Variants in RYK observed in about 807,000 individuals in gnomAD.
RYK encodes receptor like tyrosine kinase, also known as inactive tyrosine-protein kinase RYK.
A neutral mutation model predicts 70.2 loss-of-function variants in RYK; 21 were observed. That is an observed-to-expected ratio of 0.30 (90% CI 0.21 to 0.43). RYK has a LOEUF of 0.43. Among genes scored for constraint, RYK ranks in the 20% least tolerant of loss-of-function variants. The probability of loss-of-function intolerance (pLI) is 1.00; values close to 1 mark genes in which losing one functional copy is unlikely to be tolerated. For missense variants in RYK, 604 were observed against 753.3 expected (o/e 0.80, Z 2.32); for synonymous variants, 267 against 278.0 (o/e 0.96, Z 0.39).
At chr3:134,206,787 G>C (rs1389798455) in intron 5 of RYK, among the ~76,000 whole-genome samples, 1 of 152,134 alleles carries the variant, frequency 6.6e-6, no homozygotes, top group African/African-American at 2.4e-5. Context: ...CAATGGCAAA[G>C]TGTTGATCAT....
In RYK at chr3:134,222,551, T is replaced by A. The variant is rs764575082; in HGVS notation, c.233-12A>T. The A allele has an allele frequency of 1.9e-6, 3 of 1,567,612 alleles. No individual in the cohort carries two copies. The highest frequency in any genetic ancestry group is 1.8e-5 in the Admixed American group (1 of 54,820). Reference sequence around the variant, plus strand: ...TTCTGCATCAAGACCTAGAAAAAAATAGGAAAAAAATAATTAAACACTTAA... The same window carrying A: ...TTCTGCATCAAGACCTAGAAAAAAAAAGGAAAAAAATAATTAAACACTTAA... On this transcript the variant is annotated splice_polypyrimidine_tract_variant and intron_variant, in intron 1 of 14. Coordinates refer to ENST00000623711, the MANE Select transcript of RYK (RefSeq NM_002958.4).
intron 6 of RYK, 117 bp from the exon 7 acceptor site, chr3:134,195,299 T>G: frequency 1.5e-6 from 1 of 677,386 alleles, no homozygotes; most frequent in Non-Finnish European, 2.6e-6. Context: ...CTTACGGAGA[T>G]CACAATAATT....
At chr3:134,185,261 C>A (rs2013424977) in intron 9 of RYK, among the ~76,000 whole-genome samples, 1 of 152,154 alleles carries the variant, frequency 6.6e-6, no homozygotes, top group South Asian at 2.1e-4. Context: ...AAATGCTGAA[C>A]CAACAATAAA....
chr3:134,191,843 A>C lies in RYK; in HGVS notation c.1015+6T>G, dbSNP rs55965934. On this transcript the variant is annotated splice_donor_region_variant and intron_variant, in intron 8 of 14. Transcript: ENST00000623711. ...CTTAAAAAACCGACTTTGAGATAAT[A>C]AATACCTTCTTGGAGTACATCTTTT... The C allele has an allele frequency of 0.013, 20,431 of 1,598,274 alleles. 163 individuals are homozygous for C. The highest frequency in any genetic ancestry group is 0.021 in the Middle Eastern group (129 of 6,024).
intron 2 of RYK, among the ~76,000 whole-genome samples, chr3:134,219,035 T>C (rs1356161240): frequency 6.6e-6 from 1 of 152,162 alleles, no homozygotes; most frequent in Admixed American, 6.5e-5. Context: ...ATACCAGCAG[T>C]GGCAGCCCAA....
rs771828732 is a variant in RYK at position 134,211,497 on chromosome 3, C to T, written c.454+11G>A. On this transcript the variant is annotated intron_variant, in intron 3 of 14. Transcript: ENST00000623711. ...AGTATGTTAACTCTGTCTTTGAAGA[C>T]TCTTACTTACCTGATAAAGTGCGTG... The T allele has an allele frequency of 6.3e-7, 1 of 1,592,132 alleles. No individual in the cohort carries two copies. The highest frequency in any genetic ancestry group is 1.1e-5 in the South Asian group (1 of 89,014).
chr3:134,217,150 T>C (rs2014581473), intron 2 of RYK, among the ~76,000 whole-genome samples: 1 of 152,206 alleles, frequency 6.6e-6, no homozygotes, highest in Admixed American at 6.5e-5. Context: ...TATGTGAAAC[T>C]AATGTTAAAG....
intron 1 of RYK, among the ~76,000 whole-genome samples, 161 bp downstream of exon 1, chr3:134,250,262 C>G (rs936469611): frequency 1.3e-5 from 2 of 152,090 alleles, no homozygotes; most frequent in Non-Finnish European, 2.9e-5. Context: ...CACCTCCCAG[C>G]CAGCACGGCA....
At chr3:134,173,233 A>G (rs761807600) in intron 13 of RYK, among the ~76,000 whole-genome samples, 2 of 151,892 alleles carry the variant, frequency 1.3e-5, no homozygotes, top group East Asian at 1.9e-4. Flanking sequence ...CTGAGCTGCA[A>G]TCGCGCCACT....
intron 2 of RYK, among the ~76,000 whole-genome samples, chr3:134,217,226 T>A (rs2014583879): frequency 6.6e-6 from 1 of 152,236 alleles, no homozygotes; most frequent in Non-Finnish European, 1.5e-5. Flanking sequence ...ATATTTCATC[T>A]TCTGGCAAAC....
intron 13 of RYK, 143 bp from the exon 14 acceptor site, chr3:134,159,516 T>C (rs987504142): frequency 1.6e-5 from 11 of 697,384 alleles, no homozygotes; most frequent in Non-Finnish European, 2.3e-5. Context: ...AAAATGTCTA[T>C]CATACACAGT....
At position 134,205,891 on chromosome 3, in the gene RYK, G is replaced by A. The variant is rs75086887; in HGVS notation, c.643+1581C>T. Among the ~76,000 whole-genome samples, 7 of 152,180 alleles carry A rather than the reference G, an allele frequency of 4.6e-5. No individual in the cohort carries two copies. In the East Asian group the frequency reaches 5.8e-4, roughly 13 times the overall value. On this transcript the variant is annotated intron_variant, in intron 5 of 14. Coordinates refer to ENST00000623711, the MANE Select transcript of RYK (RefSeq NM_002958.4). ...TTTAGTCCTCTGCTTCAGTCATACCGCCTAACACACCACAGACTCTCCATA... is the reference window on the plus strand; with the variant it reads ...TTTAGTCCTCTGCTTCAGTCATACCACCTAACACACCACAGACTCTCCATA...
chr3:134,241,668 C>A (rs1013897522), intron 1 of RYK, among the ~76,000 whole-genome samples: 24 of 152,188 alleles, frequency 1.6e-4, no homozygotes, highest in African/African-American at 4.8e-4. Flanking sequence ...TTTGTTAAAG[C>A]TTCTCAGATG....
chr3:134,249,213 G>A (rs1430645518), intron 1 of RYK, among the ~76,000 whole-genome samples: 1 of 152,166 alleles, frequency 6.6e-6, no homozygotes, highest in Non-Finnish European at 1.5e-5. Context: ...AACTCAGCTA[G>A]ACTAAGAAGG....
intron 1 of RYK, among the ~76,000 whole-genome samples, chr3:134,242,008 G>T (rs2015337665): frequency 6.6e-6 from 1 of 152,020 alleles, no homozygotes; most frequent in Non-Finnish European, 1.5e-5. Context: ...ATTTATATAA[G>T]AATGAGAATG....
chr3:134,229,600 A>T (rs916339983), intron 1 of RYK, among the ~76,000 whole-genome samples: 1 of 152,214 alleles, frequency 6.6e-6, no homozygotes, highest in Non-Finnish European at 1.5e-5. Flanking sequence ...AAATGAAATT[A>T]AAGTCACAAA....
intron 2 of RYK, among the ~76,000 whole-genome samples, chr3:134,212,565 G>A (rs568091497): frequency 2.6e-5 from 4 of 152,334 alleles, no homozygotes; most frequent in South Asian, 2.1e-4. Context: ...AAAGATGTTC[G>A]ATAAACCATT....
intron 14 of RYK, among the ~76,000 whole-genome samples, chr3:134,158,879 G>T (rs773641679): frequency 2.0e-5 from 3 of 152,084 alleles, no homozygotes; most frequent in Non-Finnish European, 4.4e-5. Flanking sequence ...AACGAGAGAG[G>T]TTTTTTATAA....
At chr3:134,181,006 TGCAAATGCTTGCTCTGAGCATTTTTCA>T (rs2013274496) in intron 10 of RYK, 1 of 152,210 alleles carries the variant, frequency 6.6e-6, no homozygotes, top group South Asian at 2.1e-4. Context: ...GACACAACAC[TGCAAATGCTTGCTCTGAGCATTTTTCA>T]GCCAAGACAT....
Sources: gnomAD v4.1 joint callset for allele counts (sites outside exome capture counted in the v4.1 genomes callset) on GRCh38, gnomAD v4.1.1 for gene constraint, MANE v1.5 for transcripts, NCBI Gene and HGNC (gene_info 2026-07-23, HGNC 2026-07-21) for gene names.